The following TRMT9B variants were observed in gnomAD, a reference collection of about 807,000 sequenced individuals.
TRMT9B encodes tRNA methyltransferase 9B (putative), also known as probable tRNA methyltransferase 9B.
A neutral mutation model predicts 11.5 loss-of-function variants in TRMT9B; 16 were observed. The ratio of observed to expected loss-of-function variants is 1.39; its 90% CI spans 0.94 to 2.11. The LOEUF (loss-of-function observed/expected upper bound fraction) is 2.11, where lower values mean the gene tolerates loss of function less well. Among genes scored for constraint, TRMT9B ranks in the 30% most tolerant of loss-of-function variants. The pLI is 0.00. For synonymous variants in TRMT9B, 274 were observed against 192.4 expected, an observed-to-expected ratio of 1.42 and a Z score of -3.51; for missense variants, 941 against 553.8, an observed-to-expected ratio of 1.70 and a Z score of -7.02.
chr8:13,002,390 T>G lies in TRMT9B; in HGVS notation c.-1-3812T>G, dbSNP rs114053519. ...ACTAAAATCTACTGAGATTTTGATT[T>G]AAATGAAAAGCACACAGTGTTTCTG... On this transcript the variant is annotated intron_variant, in intron 2 of 4. Coordinates refer to ENST00000524591, the MANE Select transcript of TRMT9B (RefSeq NM_020844.3). Among the ~76,000 whole-genome samples the G allele has an allele frequency of 4.1e-3, 632 of 152,342 alleles. 7 individuals carry two copies. Among genetic ancestry groups the G allele is most frequent in the African/African-American group, 0.014 (566 of 41,590 alleles).
At chr8:12,952,662 C>G in intron 1 of TRMT9B, 1 of 983,966 alleles carries the variant, frequency 1.0e-6, no homozygotes, top group Non-Finnish European at 1.2e-6. Flanking sequence ...TTTCAAAGCT[C>G]ACGATGAAAA....
chr8:12,974,005 T>TGAA (rs1554515239), intron 1 of TRMT9B, among the ~76,000 whole-genome samples: 3 of 151,646 alleles, frequency 2.0e-5, no homozygotes, highest in African/African-American at 7.2e-5. Flanking sequence ...AAAAATATAT[T>TGAA]AAAATTTTTT....
chr8:12,985,459 C>G (rs1258470808), intron 1 of TRMT9B, among the ~76,000 whole-genome samples: 1 of 152,152 alleles, frequency 6.6e-6, no homozygotes, highest in Admixed American at 6.5e-5. Context: ...GTCAAAGTGT[C>G]ACCCCAATCT....
intron 4 of TRMT9B, among the ~76,000 whole-genome samples, chr8:13,018,463 T>C (rs1353495216): frequency 2.0e-5 from 3 of 151,886 alleles, no homozygotes; most frequent in Non-Finnish European, 4.4e-5. Flanking sequence ...TGAATGTTGA[T>C]GTATGAGTCT....
At chr8:13,010,459 A>G in intron 3 of TRMT9B, 1 of 985,186 alleles carries the variant, frequency 1.0e-6, no homozygotes, top group Non-Finnish European at 1.2e-6. Flanking sequence ...AGCTAAAGTC[A>G]TCAGCTGTTT....
chr8:12,991,136 T>C, intron 2 of TRMT9B, 105 bp downstream of exon 2: 1 of 439,166 alleles, frequency 2.3e-6, no homozygotes, highest in Non-Finnish European at 3.4e-6. Flanking sequence ...ATTTTAAATT[T>C]ATGACAATGT....
chr8:13,015,049 A>T lies in TRMT9B; in HGVS notation c.328+2192A>T, dbSNP rs1812366400. Among the ~76,000 whole-genome samples the T allele has an allele frequency of 2.7e-5, 4 of 150,666 alleles. No homozygotes were observed. In the South Asian group the frequency reaches 8.4e-4, roughly 32 times the overall value. ...ACTCCAGCCTAAGCAACAGAGTGAG[A>T]CTCCATCTGAAATAAATAAATAAAT... On this transcript the variant is annotated intron_variant, in intron 4 of 4. Coordinates refer to ENST00000524591, the MANE Select transcript of TRMT9B (RefSeq NM_020844.3).
At position 13,020,670 on chromosome 8, in the gene TRMT9B, TAAAAA is replaced by T. The variant is rs974449736; in HGVS notation, c.329-334_329-330del. Among the ~76,000 whole-genome samples, 15 of 152,084 alleles carry T rather than the reference TAAAAA, an allele frequency of 9.9e-5. 1 individual carries two copies. The highest frequency in any genetic ancestry group is 1.8e-4 in the Non-Finnish European group (12 of 68,016). The stretch of plus-strand genomic sequence containing the variant: ...AATTCACATTGACCATCCTTCTGGT[TAAAAA>T]AAATCCATAGTATTTTGGAACTGGA... On this transcript the variant is annotated intron_variant, in intron 4 of 4. Coordinates refer to ENST00000524591, the MANE Select transcript of TRMT9B (RefSeq NM_020844.3).
chr8:13,018,205 C>G (rs571244176), intron 4 of TRMT9B, among the ~76,000 whole-genome samples: 4 of 150,892 alleles, frequency 2.7e-5, no homozygotes, highest in African/African-American at 9.7e-5. Flanking sequence ...AGTTCGATAC[C>G]AGCCTGGGCA....
intron 1 of TRMT9B, chr8:12,958,314 G>A (rs115517540): frequency 2.0e-5 from 3 of 152,106 alleles, no homozygotes; most frequent in Admixed American, 6.5e-5. Context: ...ATATCTCTTA[G>A]AGTCCCTGCT....
At chr8:13,002,756 G>C (rs1809681537) in intron 2 of TRMT9B, among the ~76,000 whole-genome samples, 1 of 152,184 alleles carries the variant, frequency 6.6e-6, no homozygotes, top group African/African-American at 2.4e-5. Context: ...GAGCAAATAA[G>C]AAACAATATT....
intron 1 of TRMT9B, among the ~76,000 whole-genome samples, chr8:12,979,488 A>G (rs1315403579): frequency 6.6e-6 from 1 of 152,180 alleles, no homozygotes; most frequent in African/African-American, 2.4e-5. Context: ...AATAAAAAAA[A>G]ATAAAAAAAT....
chr8:13,027,349 A>G lies in TRMT9B; in HGVS notation c.*5305A>G, dbSNP rs1258625902. On this transcript the variant is annotated 3_prime_UTR_variant, in exon 5 of 5. Coordinates refer to ENST00000524591, the MANE Select transcript of TRMT9B (RefSeq NM_020844.3). ...AAAACAACAAACAACCCTCCCTTAG[A>G]GAATCATGATGCATATTAGCATATT... The G allele has an allele frequency of 6.0e-6, 1 of 167,056 alleles. No homozygotes were observed. Among genetic ancestry groups the G allele is most frequent in the Non-Finnish European group, 1.5e-5 (1 of 68,130 alleles). The allele number at this position is 167,056 out of a possible 1,614,324, so 10.3% of individuals were successfully genotyped here.
At chr8:12,974,331 G>C (rs893251713) in intron 1 of TRMT9B, among the ~76,000 whole-genome samples, 4 of 152,108 alleles carry the variant, frequency 2.6e-5, no homozygotes, top group Non-Finnish European at 5.9e-5. Flanking sequence ...GATAGCAGCA[G>C]GTCCAAGCTG....
At chr8:12,970,117 G>C (rs1192335252) in intron 1 of TRMT9B, 1 of 152,062 alleles carries the variant, frequency 6.6e-6, no homozygotes, top group African/African-American at 2.4e-5. Context: ...CCCTCACCTG[G>C]TGATAACACC....
intron 2 of TRMT9B, among the ~76,000 whole-genome samples, chr8:13,001,172 CT>C (rs1304092436): frequency 1.3e-5 from 2 of 152,180 alleles, no homozygotes; most frequent in African/African-American, 4.8e-5. Context: ...TAAAAATGGA[CT>C]CCCTAACACA....
At chr8:12,983,576 A>T (rs1805760702) in intron 1 of TRMT9B, among the ~76,000 whole-genome samples, 1 of 152,118 alleles carries the variant, frequency 6.6e-6, no homozygotes, top group African/African-American at 2.4e-5. Flanking sequence ...AGGCTGAGGC[A>T]GGACAATCGC....
chr8:12,954,798 A>T (rs1215052786), intron 1 of TRMT9B, among the ~76,000 whole-genome samples: 1 of 152,234 alleles, frequency 6.6e-6, no homozygotes, highest in Non-Finnish European at 1.5e-5. Context: ...AAGAGTTAAC[A>T]TCATTCATTT....
chr8:12,963,052 A>G (rs1190970942), intron 1 of TRMT9B, among the ~76,000 whole-genome samples: 1 of 152,232 alleles, frequency 6.6e-6, no homozygotes, highest in Non-Finnish European at 1.5e-5. Context: ...AAATTCAAGA[A>G]TAATTGAATA....
Sources: gnomAD v4.1 joint callset for allele counts (sites outside exome capture counted in the v4.1 genomes callset) on GRCh38, gnomAD v4.1.1 for gene constraint, MANE v1.5 for transcripts, NCBI Gene and HGNC (gene_info 2026-07-23, HGNC 2026-07-21) for gene names.